XKR6: variants seen among roughly 807,000 people sequenced by gnomAD.
XKR6 encodes the protein XK-related protein 6.
Under a neutral mutation model 56.7 loss-of-function variants are expected in XKR6, and 22 were observed. That is an observed-to-expected ratio of 0.39 (90% confidence interval 0.28 to 0.55). The LOEUF (loss-of-function observed/expected upper bound fraction) is 0.55. Among genes scored for constraint, XKR6 ranks in the 20% least tolerant of loss-of-function variants. The pLI is 0.66. For synonymous variants in XKR6, 524 were observed against 387.8 expected, an observed-to-expected ratio of 1.35 and a Z score of -4.13; for missense variants, 852 against 889.0, an observed-to-expected ratio of 0.96 and a Z score of 0.53.
chr8:10,970,638 T>C (rs1181727864), intron 1 of XKR6, among the ~76,000 whole-genome samples: 1 of 152,078 alleles, frequency 6.6e-6, no homozygotes, highest in Non-Finnish European at 1.5e-5. Context: ...TCTCAGTGTT[T>C]TTCCTCATCA....
intron 1 of XKR6, among the ~76,000 whole-genome samples, chr8:11,092,583 G>A (rs1191180602): frequency 6.6e-6 from 1 of 152,144 alleles, no homozygotes; most frequent in Admixed American, 6.5e-5. Flanking sequence ...AAGAGAAACT[G>A]CTGATCTCAC....
chr8:10,980,457 TC>T (rs1295256932), intron 1 of XKR6, among the ~76,000 whole-genome samples: 1 of 152,204 alleles, frequency 6.6e-6, no homozygotes, highest in Non-Finnish European at 1.5e-5. Context: ...GAATGTCAGT[TC>T]CATGAGGACA....
chr8:11,108,397 C>T (rs1040867050), intron 1 of XKR6: 21 of 446,102 alleles, frequency 4.7e-5, no homozygotes, highest in African/African-American at 3.8e-4. Context: ...TACCCCAAGA[C>T]ATAAGAAAAA....
chr8:11,009,083 G>A (rs868171525), intron 1 of XKR6, among the ~76,000 whole-genome samples: 1 of 141,334 alleles, frequency 7.1e-6, no homozygotes, highest in Non-Finnish European at 1.5e-5. Context: ...GTCAGCAGCT[G>A]TGTGGGGAGG....
At chr8:10,999,543 C>T (rs1010655003) in intron 1 of XKR6, among the ~76,000 whole-genome samples, 1 of 152,096 alleles carries the variant, frequency 6.6e-6, no homozygotes, top group African/African-American at 2.4e-5. Context: ...CACTGATCAC[C>T]AGATTCTAGT....
intron 1 of XKR6, among the ~76,000 whole-genome samples, chr8:11,071,555 C>CTATGAG (rs1800119712): frequency 7.6e-6 from 1 of 130,966 alleles, no homozygotes; most frequent in African/African-American, 3.2e-5. Context: ...AGCCCCGAGT[C>CTATGAG]CATGAGCCCC....
chr8:11,000,049 G>A (rs1190583154), intron 1 of XKR6, among the ~76,000 whole-genome samples: 3 of 152,078 alleles, frequency 2.0e-5, no homozygotes, highest in African/African-American at 4.8e-5. Flanking sequence ...CTTTGAGGAG[G>A]GCTGAAGAAC....
intron 1 of XKR6, among the ~76,000 whole-genome samples, chr8:10,966,920 G>C (rs1397265149): frequency 1.3e-5 from 2 of 152,048 alleles, no homozygotes; most frequent in East Asian, 3.9e-4. Flanking sequence ...CTAGGTCTTA[G>C]CCTCAGTCAT....
At chr8:10,978,336 G>T (rs568007467) in intron 1 of XKR6, among the ~76,000 whole-genome samples, 1 of 152,226 alleles carries the variant, frequency 6.6e-6, no homozygotes, top group South Asian at 2.1e-4. Context: ...TCCAACACTG[G>T]CCAATTTGAG....
chr8:11,063,610 T>A (rs1384012187), intron 1 of XKR6, among the ~76,000 whole-genome samples: 2 of 151,946 alleles, frequency 1.3e-5, no homozygotes, highest in Non-Finnish European at 1.5e-5. Flanking sequence ...AGCACAAACA[T>A]GTATATGCAA....
At chr8:10,993,493 C>A (rs572752073) in intron 1 of XKR6, among the ~76,000 whole-genome samples, 1 of 152,248 alleles carries the variant, frequency 6.6e-6, no homozygotes, top group East Asian at 1.9e-4. Context: ...GCAGGCTGAA[C>A]ACTGAGCGGG....
At chr8:10,904,440 C>G (rs967678304) in intron 2 of XKR6, among the ~76,000 whole-genome samples, 10 of 152,192 alleles carry the variant, frequency 6.6e-5, no homozygotes, top group African/African-American at 2.4e-4. Flanking sequence ...AGGGAACGTC[C>G]TGTTTTGTGT....
At chr8:10,915,697 C>G (rs554462263) in intron 2 of XKR6, among the ~76,000 whole-genome samples, 1 of 152,130 alleles carries the variant, frequency 6.6e-6, no homozygotes. Flanking sequence ...TAACAAGAAG[C>G]CGTTTGGAGC....
chr8:10,897,799 C>CTT lies in XKR6; in HGVS notation c.*151_*152dup. 2.1e-5 allele frequency: 18 copies of CTT among 843,684 alleles called. No individual in the cohort carries two copies. Among genetic ancestry groups the CTT allele is most frequent in the South Asian group, 5.2e-5 (2 of 38,812 alleles). The allele number at this position is 843,684 out of a possible 1,614,324, so 52.3% of individuals were successfully genotyped here. On this transcript the variant is annotated 3_prime_UTR_variant, in exon 3 of 3. Coordinates refer to ENST00000416569, the MANE Select transcript of XKR6 (RefSeq NM_173683.4). The stretch of plus-strand genomic sequence containing the variant: ...TTGAAGGGGTTGTGACTTATTAATT[C>CTT]TTTTTTTTTTGTAGTGGTGGTGTTG...
chr8:10,992,859 G>A (rs1798024196), intron 1 of XKR6, among the ~76,000 whole-genome samples: 2 of 152,206 alleles, frequency 1.3e-5, no homozygotes, highest in African/African-American at 4.8e-5. Flanking sequence ...CCAAATGGAT[G>A]TCTCCATGAT....
chr8:11,131,143 C>G lies in XKR6; in HGVS notation c.764+69433G>C, dbSNP rs539769100. 3.9e-5 allele frequency among the ~76,000 whole-genome samples: 6 copies of G among 152,284 alleles called. No homozygotes were observed. The South Asian group carries it at 8.3e-4, about 21-fold the overall frequency. On this transcript the variant is annotated intron_variant, in intron 1 of 2. Transcript: ENST00000416569. ...AAAAAAACACTCTAAATACTTGGCACTGTATTGAATTCAGCATTTGTACAC... is the reference window on the plus strand; with the variant it reads ...AAAAAAACACTCTAAATACTTGGCAGTGTATTGAATTCAGCATTTGTACAC...
At chr8:10,970,252 C>G (rs1001088804) in intron 1 of XKR6, among the ~76,000 whole-genome samples, 1 of 152,206 alleles carries the variant, frequency 6.6e-6, no homozygotes, top group Admixed American at 6.5e-5. Context: ...TCCAAGAGGA[C>G]AGGGTACCAG....
intron 1 of XKR6, among the ~76,000 whole-genome samples, chr8:11,008,084 T>G (rs903766145): frequency 2.0e-4 from 30 of 152,152 alleles, no homozygotes; most frequent in Non-Finnish European, 3.8e-4. Flanking sequence ...GTGAAGGACC[T>G]CACCTGTGCA....
At position 11,138,532 on chromosome 8, in the gene XKR6, T is replaced by C. The variant is rs559697506; in HGVS notation, c.764+62044A>G. 7 of 152,350 alleles carry C rather than the reference T, an allele frequency of 4.6e-5. No individual in the cohort carries two copies. In the South Asian group the frequency reaches 1.4e-3, roughly 32 times the overall value. The allele number at this position is 152,350 out of a possible 1,614,324, so 9.4% of individuals were successfully genotyped here. ...CATTAGTTTTCCATTCTATATTTGA[T>C]TTCAGATTCCTACTAAAATAATTAA... is the stretch of plus-strand genomic sequence containing the variant. On this transcript the variant is annotated intron_variant, in intron 1 of 2. Coordinates refer to ENST00000416569, the MANE Select transcript of XKR6 (RefSeq NM_173683.4).
Sources: allele counts gnomAD v4.1 joint callset (sites outside exome capture counted in the v4.1 genomes callset), GRCh38; gene constraint gnomAD v4.1.1; transcripts MANE v1.5; gene names NCBI Gene and HGNC (gene_info 2026-07-23, HGNC 2026-07-21).